CLTB: variants seen among roughly 807,000 people sequenced by gnomAD.
The protein encoded by CLTB is clathrin light chain B, also known as clathrin, light chain (Lcb).
A neutral mutation model predicts 30.5 loss-of-function variants in CLTB; 10 were observed. The observed-to-expected ratio is 0.33, with a 90% CI of 0.20 to 0.56. The LOEUF is 0.56. CLTB is among the 20% of genes least tolerant of loss of function. The pLI, the probability that CLTB is intolerant of heterozygous loss-of-function variation, is 0.91. For missense variants in CLTB, 261 were observed against 308.3 expected (o/e 0.85, Z 1.15); for synonymous variants, 102 against 120.3 (o/e 0.85, Z 1.00).
At chr5:176,396,408 G>T in intron 5 of CLTB, 71 bp downstream of exon 5, 1 of 1,328,458 alleles carries the variant, frequency 7.5e-7, no homozygotes, top group South Asian at 1.2e-5. Flanking sequence ...CCCACAAGCA[G>T]GAAACTCAAG....
chr5:176,406,180 A>C, intron 2 of CLTB: 1 of 990,016 alleles, frequency 1.0e-6, no homozygotes, highest in Non-Finnish European at 1.2e-6. Flanking sequence ...TGGGGAGATC[A>C]GTCATGGCCA....
intron 3 of CLTB, 94 bp downstream of exon 3, chr5:176,397,836 T>TA: frequency 6.8e-7 from 1 of 1,462,494 alleles, no homozygotes; most frequent in East Asian, 2.3e-5. Context: ...AGTCCCACAT[T>TA]AAGGCATGCA....
At chr5:176,406,146 C>T (rs1489204498) in intron 2 of CLTB, 6 of 986,528 alleles carry the variant, frequency 6.1e-6, no homozygotes, top group African/African-American at 3.5e-5. Context: ...ACTGGGCTCT[C>T]GTTTAATCAC....
rs192045843 is a variant in CLTB at position 176,393,883 on chromosome 5, G to A, written c.519-938C>T. Among the ~76,000 whole-genome samples the A allele has an allele frequency of 1.0e-3, 153 of 152,340 alleles. No individual in the cohort carries two copies. Among genetic ancestry groups the A allele is most frequent in the African/African-American group, 3.4e-3 (141 of 41,574 alleles). The stretch of plus-strand genomic sequence containing the variant: ...GTGAGGAGAGCTGGGTCTATGTCCT[G>A]TTTGGCCAGCGAGGGTCGCTCACAA... On this transcript the variant is annotated intron_variant, in intron 5 of 5. Coordinates refer to ENST00000310418, the MANE Select transcript of CLTB (RefSeq NM_007097.5). This position sits in a 1 kb window ranked among gnomAD's most constrained non-coding sequence, Gnocchi z 4.4.
chr5:176,405,134 C>A (rs191611720), intron 2 of CLTB, among the ~76,000 whole-genome samples: 1 of 152,274 alleles, frequency 6.6e-6, no homozygotes, highest in Admixed American at 6.5e-5. Flanking sequence ...TCCCCAAAGC[C>A]AAGCCCTCAC....
At chr5:176,395,433 G>A (rs1323717501) in intron 5 of CLTB, among the ~76,000 whole-genome samples, 1 of 152,200 alleles carries the variant, frequency 6.6e-6, no homozygotes, top group African/African-American at 2.4e-5. Context: ...AGTACTAAAT[G>A]AGGGAGAGTG....
chr5:176,401,073 CAG>C (rs773198052), intron 2 of CLTB, among the ~76,000 whole-genome samples: 14 of 152,352 alleles, frequency 9.2e-5, no homozygotes, highest in Non-Finnish European at 1.5e-4. Flanking sequence ...CATTGCAATT[CAG>C]AGACTCTCTC....
In CLTB at chr5:176,405,043, AG is replaced by A. The variant is rs1757035437; in HGVS notation, c.234+5213del. Among the ~76,000 whole-genome samples the A allele has an allele frequency of 2.0e-5, 3 of 152,338 alleles. No individual in the cohort carries two copies. The South Asian group carries it at 6.2e-4, about 32-fold the overall frequency. On this transcript the variant is annotated intron_variant, in intron 2 of 5. Transcript: ENST00000310418. ...ACAACCAACATCACAGGGAGTTGGG[AG>A]GACTCAGGGAGATCAAGCACGTAAA...
intron 2 of CLTB, among the ~76,000 whole-genome samples, chr5:176,409,291 T>C (rs1032489414): frequency 6.0e-5 from 6 of 100,362 alleles, no homozygotes; most frequent in Admixed American, 5.3e-4. Flanking sequence ...ATTTTTAAAA[T>C]TGAAAAAAAA....
At chr5:176,407,038 T>G (rs777068606) in intron 2 of CLTB, among the ~76,000 whole-genome samples, 1 of 152,178 alleles carries the variant, frequency 6.6e-6, no homozygotes, top group Non-Finnish European at 1.5e-5. Context: ...GTGATATGAT[T>G]TACAAATAAA....
intron 2 of CLTB, chr5:176,406,799 C>G (rs1195423377): frequency 1.9e-6 from 2 of 1,037,696 alleles, no homozygotes; most frequent in African/African-American, 3.4e-5. Context: ...TCTCCTCCCC[C>G]TGCAGGTGCA....
In CLTB at chr5:176,393,047, C is replaced by G. The variant is rs1222745921; in HGVS notation, c.519-102G>C. 7.7e-7 allele frequency: 1 copy of G among 1,305,662 alleles called. No homozygotes were observed. The highest frequency in any genetic ancestry group is 2.3e-5 in the East Asian group (1 of 43,308). The allele number at this position is 1,305,662 out of a possible 1,614,324, so 80.9% of individuals were successfully genotyped here. On this transcript the variant is annotated intron_variant, in intron 5 of 5. Coordinates refer to ENST00000310418, the MANE Select transcript of CLTB (RefSeq NM_007097.5). The surrounding 1 kb of genome is among the most constrained non-coding windows in gnomAD (Gnocchi z 4.4). ...CCAGCCTACTCTGGGGCACTGTGTC[C>G]TCCCCAGCCTTGTGCCCCCCTGACT...
intron 1 of CLTB, among the ~76,000 whole-genome samples, chr5:176,415,222 G>A (rs1376344631): frequency 6.6e-6 from 1 of 152,092 alleles, no homozygotes; most frequent in Non-Finnish European, 1.5e-5. Context: ...TAATAGCCCC[G>A]GACCACCTTT....
At chr5:176,412,158 A>G (rs1757473616) in intron 1 of CLTB, among the ~76,000 whole-genome samples, 1 of 147,770 alleles carries the variant, frequency 6.8e-6, no homozygotes, top group Non-Finnish European at 1.5e-5. Context: ...CCTGGGCGAC[A>G]GAGTGAGACT....
rs896898125 is a variant in CLTB, at chr5:176,393,905, A to AC, written c.519-961dup. The stretch of plus-strand genomic sequence containing the variant: ...CCTGTTTGGCCAGCGAGGGTCGCTC[A>AC]CAAGTCCCTGGAAGCCCCCTCTCCA... On this transcript the variant is annotated intron_variant, in intron 5 of 5. Transcript: ENST00000310418. This position sits in a 1 kb window ranked among gnomAD's most constrained non-coding sequence, Gnocchi z 4.4. Among the ~76,000 whole-genome samples the AC allele has an allele frequency of 2.0e-5, 3 of 152,194 alleles. No homozygotes were observed. Among genetic ancestry groups the AC allele is most frequent in the African/African-American group, 7.2e-5 (3 of 41,446 alleles).
chr5:176,414,824 C>G (rs977863373), intron 1 of CLTB, among the ~76,000 whole-genome samples: 1 of 152,158 alleles, frequency 6.6e-6, no homozygotes, highest in Non-Finnish European at 1.5e-5. Context: ...CAAGGAGATA[C>G]AGAGTTGCTT....
At chr5:176,403,457 GT>G (rs149404509) in intron 2 of CLTB, among the ~76,000 whole-genome samples, 1 of 147,660 alleles carries the variant, frequency 6.8e-6, no homozygotes, top group Non-Finnish European at 1.5e-5. Context: ...TTTTTGTTTT[GT>G]TTTTTTTCTT....
At chr5:176,398,573 G>A (rs991827678) in intron 2 of CLTB, among the ~76,000 whole-genome samples, 15 of 151,836 alleles carry the variant, frequency 9.9e-5, no homozygotes, top group African/African-American at 3.4e-4. Flanking sequence ...TTAGCCAGGC[G>A]TGGTGGTGCA....
rs573834559 is a variant in CLTB, at chr5:176,394,771, T to C, written c.518+1708A>G. ...CGGAGGTTGCAGTGAGCTGAGATCATGCCACTGCACTCCAGCCTGGGTGAC... is the reference window on the plus strand; with the variant it reads ...CGGAGGTTGCAGTGAGCTGAGATCACGCCACTGCACTCCAGCCTGGGTGAC... On this transcript the variant is annotated intron_variant, in intron 5 of 5. Coordinates refer to ENST00000310418, the MANE Select transcript of CLTB (RefSeq NM_007097.5). Among the ~76,000 whole-genome samples the C allele has an allele frequency of 1.9e-3, 291 of 151,716 alleles. 4 individuals are homozygous for C. The highest frequency in any genetic ancestry group is 3.5e-3 in the Non-Finnish European group (240 of 67,978).
Sources: allele counts gnomAD v4.1 joint callset (sites outside exome capture counted in the v4.1 genomes callset), GRCh38; gene constraint gnomAD v4.1.1; non-coding constraint Gnocchi (gnomAD v3.1); transcripts MANE v1.5; gene names NCBI Gene and HGNC (gene_info 2026-07-23, HGNC 2026-07-21).